The following GALR1 variants were observed in gnomAD, a reference collection of about 807,000 sequenced individuals.
GALR1 encodes the protein galanin receptor type 1.
GALR1 carries 11 observed loss-of-function variants against 17.9 expected under a neutral mutation model. That is an observed-to-expected ratio of 0.62 (90% CI 0.39 to 1.02). GALR1 has a LOEUF of 1.02. Ranked by LOEUF, GALR1 falls within the 50% of genes least tolerant of loss-of-function variation. The probability of loss-of-function intolerance (pLI) is 0.01; values close to 1 mark genes in which losing one functional copy is unlikely to be tolerated. For missense variants in GALR1, 441 were observed against 456.9 expected (o/e 0.97, Z 0.32); for synonymous variants, 206 against 205.7 (o/e 1.00, Z -0.01).
Position 77,271,544 on chromosome 18 carries a change from C to T in GALR1, c.*2642C>T, listed in dbSNP as rs184565420. 10 of 152,212 alleles carry T rather than the reference C, an allele frequency of 6.6e-5. No individual in the cohort carries two copies. The highest frequency in any genetic ancestry group is 6.5e-4 in the Admixed American group (10 of 15,282). 9.4% of individuals were successfully genotyped at this position (152,212 alleles called of 1,614,324 possible). A position where few individuals can be genotyped will look rare whatever the true frequency, so the allele number is the denominator to read the frequency against. On this transcript the variant is annotated 3_prime_UTR_variant, in exon 3 of 3. Transcript: ENST00000299727. ...AGCATCTGCTTCCCAGCTAGATTTC[C>T]CCCTAATATACAATGACCAATTCTG...
chr18:77,273,740 A>G lies in GALR1; in HGVS notation c.*4838A>G, dbSNP rs1047630990. ...TGAATTTTCTCTCTGAATCTTTTCA[A>G]TGTTGGCTCCATTTGCCATACTCAG... On this transcript the variant is annotated 3_prime_UTR_variant, in exon 3 of 3. Coordinates refer to ENST00000299727, the MANE Select transcript of GALR1 (RefSeq NM_001480.4). 3.3e-5 allele frequency: 5 copies of G among 152,286 alleles called. No homozygotes were observed. Among genetic ancestry groups the G allele is most frequent in the Middle Eastern group, 3.4e-3 (1 of 294 alleles). The allele number at this position is 152,286 out of a possible 1,614,324, so 9.4% of individuals were successfully genotyped here.
chr18:77,252,342 C>T (rs2144947667), intron 1 of GALR1, among the ~76,000 whole-genome samples: 1 of 152,364 alleles, frequency 6.6e-6, no homozygotes, highest in East Asian at 1.9e-4. Context: ...CAGTTCCACC[C>T]GACTTCACCG....
In GALR1 at chr18:77,257,478, C is replaced by T. The variant is rs575369943; in HGVS notation, c.732+1255C>T. On this transcript the variant is annotated intron_variant, in intron 2 of 2. Coordinates refer to ENST00000299727, the MANE Select transcript of GALR1 (RefSeq NM_001480.4). ...TAGGCCCCGCATTAGAGCAGCTGACCAAGTGCTAAGTTATATGAATGGAAT... is the reference window on the plus strand; with the variant it reads ...TAGGCCCCGCATTAGAGCAGCTGACTAAGTGCTAAGTTATATGAATGGAAT... 6.6e-5 allele frequency among the ~76,000 whole-genome samples: 10 copies of T among 152,200 alleles called. No homozygotes were observed. The South Asian group carries it at 1.9e-3, about 28-fold the overall frequency.
At chr18:77,267,344 G>A (rs909957604) in intron 2 of GALR1, among the ~76,000 whole-genome samples, 1 of 152,190 alleles carries the variant, frequency 6.6e-6, no homozygotes, top group African/African-American at 2.4e-5. Flanking sequence ...ATGTCGGCCT[G>A]GCTGCCAGCC....
At position 77,269,115 on chromosome 18, in the gene GALR1, T is replaced by C. The variant is rs1410539789; in HGVS notation, c.*213T>C. The C allele has an allele frequency of 3.7e-6, 2 of 546,482 alleles. No individual in the cohort carries two copies. The highest frequency in any genetic ancestry group is 3.8e-5 in the African/African-American group (2 of 52,694). The allele number at this position is 546,482 out of a possible 1,614,324, so 33.9% of individuals were successfully genotyped here. On this transcript the variant is annotated 3_prime_UTR_variant, in exon 3 of 3. Coordinates refer to ENST00000299727, the MANE Select transcript of GALR1 (RefSeq NM_001480.4). ...TTATTTTTCAATTTTATTTTAGTTC[T>C]AAATTATGTTTCAGAAACAAAAGAC...
chr18:77,257,459 C>A lies in GALR1; in HGVS notation c.732+1236C>A, dbSNP rs1912616527. Among the ~76,000 whole-genome samples the A allele has an allele frequency of 2.6e-5, 4 of 152,276 alleles. No homozygotes were observed. In the South Asian group the frequency reaches 8.3e-4, roughly 32 times the overall value. ...ATATTTCATTTTAGGCATCTAGGCC[C>A]CGCATTAGAGCAGCTGACCAAGTGC... On this transcript the variant is annotated intron_variant, in intron 2 of 2. Coordinates refer to ENST00000299727, the MANE Select transcript of GALR1 (RefSeq NM_001480.4).
chr18:77,276,414 G>A lies in GALR1; in HGVS notation c.*7512G>A, dbSNP rs1036508190. The A allele has an allele frequency of 1.3e-5, 2 of 152,200 alleles. No homozygotes were observed. Among genetic ancestry groups the A allele is most frequent in the South Asian group, 4.1e-4 (2 of 4,820 alleles). The allele number at this position is 152,200 out of a possible 1,614,324, so 9.4% of individuals were successfully genotyped here. A position where few individuals can be genotyped will look rare whatever the true frequency, so the allele number is the denominator to read the frequency against. ...AACTGGCTGTACAGTTGAATGAGCT[G>A]GGCAGTTGAAAGTACCCGTGATGCT... is the stretch of plus-strand genomic sequence containing the variant. On this transcript the variant is annotated 3_prime_UTR_variant, in exon 3 of 3. Transcript: ENST00000299727.
chr18:77,262,420 C>T (rs1368530841), intron 2 of GALR1, among the ~76,000 whole-genome samples: 1 of 152,188 alleles, frequency 6.6e-6, no homozygotes, highest in African/African-American at 2.4e-5. Context: ...TGGCATGGAA[C>T]TTCTTGCCCC....
At chr18:77,258,744 T>A (rs55714583) in intron 2 of GALR1, among the ~76,000 whole-genome samples, 1 of 41,978 alleles carries the variant, frequency 2.4e-5, no homozygotes, top group Non-Finnish European at 5.0e-5. Context: ...GTGATGATGG[T>A]TATGGTGGTG....
In GALR1 at chr18:77,268,622, G is replaced by A. The variant is rs1912993196; in HGVS notation, c.770G>A (p.Gly257Glu). The change falls in exon 3 of 3, where the codon GGA becomes GAA. Residue 257 changes from glycine (G) to glutamate (E), a missense_variant. By Grantham distance (98) the Gly-to-Glu change is moderately conservative. Coordinates refer to ENST00000299727, the MANE Select transcript of GALR1 (RefSeq NM_001480.4). Reference protein sequence around the residue: ...QTVLVVVVVFGISWLPHHIIH... With the variant: ...QTVLVVVVVFEISWLPHHIIH... ...GTTCTGGTGGTGGTTGTGGTGTTTG[G>A]AATCTCCTGGCTGCCGCACCACATC... The A allele has an allele frequency of 1.2e-6, 2 of 1,613,694 alleles. No homozygotes were observed. Among genetic ancestry groups the A allele is most frequent in the East Asian group, 2.2e-5 (1 of 44,866 alleles).
At chr18:77,251,724 TC>T (rs1912422326) in intron 1 of GALR1, among the ~76,000 whole-genome samples, 1 of 152,000 alleles carries the variant, frequency 6.6e-6, no homozygotes, top group Non-Finnish European at 1.5e-5. Flanking sequence ...TCCCCACAGC[TC>T]CCTCCCGGGC....
chr18:77,251,309 T>G, intron 1 of GALR1, 95 bp downstream of exon 1: 1 of 1,487,640 alleles, frequency 6.7e-7, no homozygotes, highest in South Asian at 1.3e-5. Flanking sequence ...GCCGGAGCCT[T>G]GGCGGCAGCC....
At chr18:77,265,325 G>A (rs760842500) in intron 2 of GALR1, among the ~76,000 whole-genome samples, 3 of 152,180 alleles carry the variant, frequency 2.0e-5, no homozygotes, top group African/African-American at 7.2e-5. Flanking sequence ...CATGTTTCAC[G>A]TCCAGGTCAC....
At chr18:77,264,076 G>T (rs754733314) in intron 2 of GALR1, among the ~76,000 whole-genome samples, 1 of 135,512 alleles carries the variant, frequency 7.4e-6, no homozygotes, top group Non-Finnish European at 1.5e-5. Context: ...GGAGGTTGCA[G>T]TGAGCCGAGA....
At position 77,250,930 on chromosome 18, in the gene GALR1, G is replaced by A; in HGVS notation, c.382G>A (p.Ala128Thr). The change falls in exon 1 of 3, where the codon GCG becomes ACG. Residue 128 changes from alanine (A) to threonine (T), a missense_variant. Physicochemically the swap from Ala to Thr is moderately conservative, Grantham distance 58. Transcript: ENST00000299727. Reference sequence around the variant, plus strand: ...GCTGGTGAGCATCTTCACCCTGGCCGCGATGTCCGTGGACCGCTACGTGGC... The same window carrying A: ...GCTGGTGAGCATCTTCACCCTGGCCACGATGTCCGTGGACCGCTACGTGGC... ...SMLVSIFTLA[A>T]MSVDRYVAIV... 1 of 1,604,776 alleles carries A rather than the reference G, an allele frequency of 6.2e-7. No individual in the cohort carries two copies.
rs925691167 is a variant in GALR1 at position 77,273,012 on chromosome 18, A to T, written c.*4110A>T. 8.5e-5 allele frequency: 13 copies of T among 152,300 alleles called. No individual in the cohort carries two copies. The East Asian group carries it at 2.5e-3, about 29-fold the overall frequency. 9.4% of individuals were successfully genotyped at this position (152,300 alleles called of 1,614,324 possible). ...TCGTGTATTGTGATGCATTAGCAGG[A>T]TGTTTTGTTCATCGACTTGTGAAAG... On this transcript the variant is annotated 3_prime_UTR_variant, in exon 3 of 3. Transcript: ENST00000299727.
At position 77,272,565 on chromosome 18, in the gene GALR1, C is replaced by T. The variant is rs541465380; in HGVS notation, c.*3663C>T. On this transcript the variant is annotated 3_prime_UTR_variant, in exon 3 of 3. Coordinates refer to ENST00000299727, the MANE Select transcript of GALR1 (RefSeq NM_001480.4). Reference sequence around the variant, plus strand: ...AAATACATCAATGTGGCTACTTCCTCTGGAAAGTTACTGTCTAAAATTTGT... The same window carrying T: ...AAATACATCAATGTGGCTACTTCCTTTGGAAAGTTACTGTCTAAAATTTGT... 2.0e-5 allele frequency: 3 copies of T among 152,244 alleles called. No homozygotes were observed. Among genetic ancestry groups the T allele is most frequent in the Non-Finnish European group, 4.4e-5 (3 of 68,048 alleles). 9.4% of individuals were successfully genotyped at this position (152,244 alleles called of 1,614,324 possible).
At chr18:77,264,911 A>T (rs1912914287) in intron 2 of GALR1, among the ~76,000 whole-genome samples, 1 of 152,118 alleles carries the variant, frequency 6.6e-6, no homozygotes, top group Admixed American at 6.5e-5. Flanking sequence ...ACACATGGGG[A>T]TTATAGGAAC....
chr18:77,258,295 C>T (rs1028907974), intron 2 of GALR1, among the ~76,000 whole-genome samples: 1 of 152,102 alleles, frequency 6.6e-6, no homozygotes, highest in Non-Finnish European at 1.5e-5. Flanking sequence ...CTTATTCTTA[C>T]CATGAGGATC....
Sources: gnomAD v4.1 joint callset for allele counts (sites outside exome capture counted in the v4.1 genomes callset) on GRCh38, gnomAD v4.1.1 for gene constraint, MANE v1.5 for transcripts, NCBI Gene and HGNC (gene_info 2026-07-23, HGNC 2026-07-21) for gene names.